Variants in MICALL1 observed in about 807,000 individuals in gnomAD.
MICALL1 encodes the protein MICAL-like protein 1.
In MICALL1, 61 loss-of-function variants were observed where a neutral mutation model predicts 83.7. That is an observed-to-expected ratio of 0.73 (90% CI 0.59 to 0.90). The LOEUF is 0.90. Among genes scored for constraint, MICALL1 ranks in the 40% least tolerant of loss-of-function variants. The pLI, the probability that MICALL1 is intolerant of heterozygous loss-of-function variation, is 0.00. For synonymous variants in MICALL1, 481 were observed against 473.6 expected, an observed-to-expected ratio of 1.02 and a Z score of -0.20; for missense variants, 1,066 against 1,152.0, an observed-to-expected ratio of 0.93 and a Z score of 1.08.
Position 37,913,968 on chromosome 22 carries a change from G to A in MICALL1, c.337+1476G>A, listed in dbSNP as rs190669190. 3.9e-3 allele frequency among the ~76,000 whole-genome samples: 572 copies of A among 147,804 alleles called. 4 individuals are homozygous for A. Among genetic ancestry groups the A allele is most frequent in the African/African-American group, 0.013 (523 of 40,050 alleles). On this transcript the variant is annotated intron_variant, in intron 3 of 15. Transcript: ENST00000215957. ...TCGGCTTACTGCAACCTCTGCCCTC[G>A]GGGTTCAAGTGATTCTCCTGCTTCA...
intron 3 of MICALL1, among the ~76,000 whole-genome samples, chr22:37,914,490 G>C (rs901765445): frequency 3.6e-4 from 54 of 151,496 alleles, no homozygotes; most frequent in African/African-American, 1.3e-3. Flanking sequence ...GCCTCCCAAA[G>C]TGCTGGGATT....
chr22:37,940,683 T>A (rs376287333), intron 15 of MICALL1, 26 bp from the exon 16 acceptor site: 19 of 1,612,234 alleles, frequency 1.2e-5, no homozygotes, highest in Admixed American at 1.7e-5. Flanking sequence ...TCCACTTTAT[T>A]AAGTGCTCCC....
Position 37,930,835 on chromosome 22 carries a change from A to C in MICALL1, c.1882-964A>C, listed in dbSNP as rs1929748891. Among the ~76,000 whole-genome samples the C allele has an allele frequency of 6.6e-6, 1 of 152,210 alleles. No individual in the cohort carries two copies. The highest frequency in any genetic ancestry group is 2.1e-4 in the South Asian group (1 of 4,836). On this transcript the variant is annotated intron_variant, in intron 9 of 15. Transcript: ENST00000215957. The surrounding 1 kb of genome is among the most constrained non-coding windows in gnomAD (Gnocchi z 4.8). Reference sequence around the variant, plus strand: ...TACCCTCTGACTCCATCTGCTGGTCAAACACTTCCTGGCTGGGTGACCCTG... The same window carrying C: ...TACCCTCTGACTCCATCTGCTGGTCCAACACTTCCTGGCTGGGTGACCCTG...
intron 13 of MICALL1, among the ~76,000 whole-genome samples, chr22:37,936,319 C>T (rs1269321103): frequency 2.6e-5 from 4 of 152,220 alleles, no homozygotes; most frequent in Non-Finnish European, 5.9e-5. Context: ...CCCAGTATGT[C>T]ACTTGGGTTG....
At chr22:37,907,988 G>C (rs1379310892) in intron 1 of MICALL1, among the ~76,000 whole-genome samples, 1 of 152,172 alleles carries the variant, frequency 6.6e-6, no homozygotes, top group Non-Finnish European at 1.5e-5. Context: ...TTGTTTGAGG[G>C]GCAGGAGTGA....
Position 37,921,935 on chromosome 22 carries a change from G to C in MICALL1, c.570-37G>C, listed in dbSNP as rs759291562. 12 of 1,510,660 alleles carry C rather than the reference G, an allele frequency of 7.9e-6. No individual in the cohort carries two copies. In the African/African-American group the frequency reaches 1.4e-4, roughly 18 times the overall value. 93.6% of individuals were successfully genotyped at this position (1,510,660 alleles called of 1,614,324 possible). Reference sequence around the variant, plus strand: ...GGGTAGCCAGTGCCTGGGCCCAGCTGCCTGGCTAAGTGAACCCCTGTCCTG... The same window carrying C: ...GGGTAGCCAGTGCCTGGGCCCAGCTCCCTGGCTAAGTGAACCCCTGTCCTG... On this transcript the variant is annotated intron_variant, in intron 5 of 15. Coordinates refer to ENST00000215957, the MANE Select transcript of MICALL1 (RefSeq NM_033386.4).
intron 9 of MICALL1, 66 bp downstream of exon 9, chr22:37,927,892 G>A (rs1343300838): frequency 9.4e-6 from 14 of 1,486,974 alleles, no homozygotes; most frequent in South Asian, 4.0e-5. Context: ...TGGTCTCAGG[G>A]CAGAAATGTC....
chr22:37,917,124 A>G (rs1398279230), intron 3 of MICALL1, among the ~76,000 whole-genome samples: 2 of 152,072 alleles, frequency 1.3e-5, no homozygotes, highest in Non-Finnish European at 2.9e-5. Flanking sequence ...CACCCACCTC[A>G]GCCTCCCAAA....
Position 37,919,085 on chromosome 22 carries a change from C to A in MICALL1, c.476C>A (p.Thr159Asn). 6.4e-7 allele frequency: 1 copy of A among 1,552,316 alleles called. No homozygotes were observed. The highest frequency in any genetic ancestry group is 8.7e-7 in the Non-Finnish European group (1 of 1,147,804). Residue 159 changes from threonine (T) to asparagine (N), a missense_variant, in exon 5 of 16, where the codon ACC becomes AAC. Coordinates refer to ENST00000215957, the MANE Select transcript of MICALL1 (RefSeq NM_033386.4). The stretch of plus-strand genomic sequence containing the variant: ...CTGTCAGAGCAGGGCACCGGCCAGA[C>A]CCCCAGCAGCACGTGCGCAGCCTGC... Reference protein sequence around the residue: ...GSLSEQGTGQTPSSTCAACQQ... With the variant: ...GSLSEQGTGQNPSSTCAACQQ...
intron 3 of MICALL1, 95 bp from the exon 4 acceptor site, chr22:37,917,612 G>T (rs2145896821): frequency 2.6e-6 from 3 of 1,132,078 alleles, no homozygotes; most frequent in Non-Finnish European, 4.0e-6. Flanking sequence ...GCCTTTAGGT[G>T]ATGGCTACAG....
chr22:37,933,182 G>A (rs940161363), intron 13 of MICALL1, 70 bp downstream of exon 13: 6 of 1,526,854 alleles, frequency 3.9e-6, no homozygotes, highest in African/African-American at 1.4e-5. Flanking sequence ...GTGGGGGAGC[G>A]GGCAGACAAA....
At position 37,931,894 on chromosome 22, in the gene MICALL1, A is replaced by G. The variant is rs1367974165; in HGVS notation, c.1977A>G (p.Pro659=). 3.1e-6 allele frequency: 5 copies of G among 1,613,998 alleles called. No individual in the cohort carries two copies. Among genetic ancestry groups the G allele is most frequent in the Non-Finnish European group, 4.2e-6 (5 of 1,180,014 alleles). The change falls in exon 10 of 16, where the codon CCA becomes CCG. Residue 659 remains proline, a synonymous_variant. Coordinates refer to ENST00000215957, the MANE Select transcript of MICALL1 (RefSeq NM_033386.4). ...CCAAGGGATCCAAGCCAGTGAGGCCACCTGCCCCTGGACACGGCTTTCCAC... is the reference window on the plus strand; with the variant it reads ...CCAAGGGATCCAAGCCAGTGAGGCCGCCTGCCCCTGGACACGGCTTTCCAC... ...KATKGSKPVR[P]PAPGHGFPLI...
At position 37,932,715 on chromosome 22, in the gene MICALL1, C is replaced by T; in HGVS notation, c.2143+36C>T. The stretch of plus-strand genomic sequence containing the variant: ...GGCTGGGAGGGCCTGCTGGGTGGGG[C>T]TGGGGGCAGGAGCCTCTATTCCCCG... On this transcript the variant is annotated intron_variant, in intron 11 of 15. Transcript: ENST00000215957. This position sits in a 1 kb window ranked among gnomAD's most constrained non-coding sequence, Gnocchi z 4.4. 1 of 1,611,688 alleles carries T rather than the reference C, an allele frequency of 6.2e-7. No individual in the cohort carries two copies. The highest frequency in any genetic ancestry group is 8.5e-7 in the Non-Finnish European group (1 of 1,179,136).
chr22:37,913,594 G>C (rs1183301898), intron 3 of MICALL1, among the ~76,000 whole-genome samples: 1 of 152,216 alleles, frequency 6.6e-6, no homozygotes, highest in Non-Finnish European at 1.5e-5. Context: ...CAGAGTTGCA[G>C]GGGCTACAAA....
chr22:37,916,026 C>T (rs1425696919), intron 3 of MICALL1, among the ~76,000 whole-genome samples: 1 of 151,922 alleles, frequency 6.6e-6, no homozygotes, highest in Non-Finnish European at 1.5e-5. Flanking sequence ...CAGCCTTAGC[C>T]TGCGGCCTTC....
chr22:37,906,308 G>C lies in MICALL1; in HGVS notation c.-115G>C. 1.3e-6 allele frequency: 1 copy of C among 789,086 alleles called. No homozygotes were observed. Among genetic ancestry groups the C allele is most frequent in the Non-Finnish European group, 1.5e-6 (1 of 651,812 alleles). The allele number at this position is 789,086 out of a possible 1,614,324, so 48.9% of individuals were successfully genotyped here. On this transcript the variant is annotated 5_prime_UTR_variant, in exon 1 of 16. Transcript: ENST00000215957. The surrounding 1 kb of genome is among the most constrained non-coding windows in gnomAD (Gnocchi z 4.4). ...CCGCCCCTCCCCTCGCCTGCCGGTC[G>C]GCGCCCGAGCTCGGAGCCGCAGCCG... is the stretch of plus-strand genomic sequence containing the variant.
chr22:37,910,266 T>C (rs758818289), intron 1 of MICALL1, among the ~76,000 whole-genome samples: 14 of 152,192 alleles, frequency 9.2e-5, no homozygotes, highest in Non-Finnish European at 1.6e-4. Context: ...TTACGGAGCA[T>C]CTTCGAAATT....
Position 37,927,439 on chromosome 22 carries a change from G to T in MICALL1, c.1494G>T (p.Ser498=), listed in dbSNP as rs753490828. 4 of 1,592,532 alleles carry T rather than the reference G, an allele frequency of 2.5e-6. No homozygotes were observed. The highest frequency in any genetic ancestry group is 2.7e-5 in the African/African-American group (2 of 74,598). The change falls in exon 9 of 16, where the codon TCG becomes TCT. Residue 498 remains serine, a synonymous_variant. Transcript: ENST00000215957. ...LALHASRLSH[S]EPPSATPSPA... ...TCCACGCCTCCCGCCTCTCGCACTC[G>T]GAGCCGCCCTCGGCCACACCATCGC...
rs1033903337 is a variant in MICALL1, at chr22:37,941,080, G to A, written c.*250G>A. On this transcript the variant is annotated 3_prime_UTR_variant, in exon 16 of 16. Coordinates refer to ENST00000215957, the MANE Select transcript of MICALL1 (RefSeq NM_033386.4). ...GCCCAACCTGATTCTGATGACTGCG[G>A]ATGCTGTGACGGACCCAAGGGGCAA... The A allele has an allele frequency of 1.2e-5, 5 of 414,690 alleles. No individual in the cohort carries two copies. Among genetic ancestry groups the A allele is most frequent in the Admixed American group, 3.5e-5 (1 of 28,412 alleles). 25.7% of individuals were successfully genotyped at this position (414,690 alleles called of 1,614,324 possible). A position where few individuals can be genotyped will look rare whatever the true frequency, so the allele number is the denominator to read the frequency against.
Sources: allele counts gnomAD v4.1 joint callset (sites outside exome capture counted in the v4.1 genomes callset), GRCh38; gene constraint gnomAD v4.1.1; non-coding constraint Gnocchi (gnomAD v3.1); transcripts MANE v1.5; gene names NCBI Gene and HGNC (gene_info 2026-07-23, HGNC 2026-07-21).